Variants in UBE2D2 observed in about 807,000 individuals in gnomAD.
UBE2D2 encodes the protein ubiquitin conjugating enzyme E2 D2, also known as ubiquitin-conjugating enzyme E2 D2.
Under a neutral mutation model 24.2 loss-of-function variants are expected in UBE2D2, and 2 were observed. The ratio of observed to expected loss-of-function variants is 0.08; its 90% CI spans 0.03 to 0.26. UBE2D2 has a LOEUF of 0.26. UBE2D2 is among the 10% of genes least tolerant of loss of function. The pLI is 1.00. For synonymous variants in UBE2D2, 58 were observed against 56.5 expected, an observed-to-expected ratio of 1.03 and a Z score of -0.12; for missense variants, 44 against 177.6, an observed-to-expected ratio of 0.25 and a Z score of 4.28.
At chr5:139,599,895 C>T (rs1389402614) in intron 1 of UBE2D2, among the ~76,000 whole-genome samples, 1 of 151,940 alleles carries the variant, frequency 6.6e-6, no homozygotes, top group Non-Finnish European at 1.5e-5. Context: ...CCTCCGCCTC[C>T]CTGGTTCAAG....
At chr5:139,533,847 A>C (rs929421034) in intron 1 of UBE2D2, among the ~76,000 whole-genome samples, 52 of 148,076 alleles carry the variant, frequency 3.5e-4, no homozygotes, top group Non-Finnish European at 2.7e-4. Context: ...CAGTGGCAGG[A>C]TATTGGCTCA....
chr5:139,584,395 C>T (rs1012335577), intron 1 of UBE2D2, among the ~76,000 whole-genome samples: 1 of 151,966 alleles, frequency 6.6e-6, no homozygotes, highest in Non-Finnish European at 1.5e-5. Flanking sequence ...GTATGCCTTT[C>T]GTTAAGTTTA....
Position 139,627,177 on chromosome 5 carries a change from ATTATTT to A in UBE2D2, c.*380_*385del, listed in dbSNP as rs1754651271. 1 of 164,712 alleles carries A rather than the reference ATTATTT, an allele frequency of 6.1e-6. No homozygotes were observed. Among genetic ancestry groups the A allele is most frequent in the Non-Finnish European group, 1.3e-5 (1 of 76,250 alleles). The allele number at this position is 164,712 out of a possible 1,614,324, so 10.2% of individuals were successfully genotyped here. ...AAAAGGCTCCACTCACCTATAGGAG[ATTATTT>A]TTAAGTGGAATCCATTTAAACTCAA... On this transcript the variant is annotated 3_prime_UTR_variant, in exon 7 of 7. Transcript: ENST00000398733.
intron 1 of UBE2D2, among the ~76,000 whole-genome samples, chr5:139,588,937 G>A (rs1753787196): frequency 6.6e-6 from 1 of 152,110 alleles, no homozygotes. Context: ...GGGACTACAG[G>A]TGCACACCAC....
At chr5:139,540,865 G>T (rs1752750821) in intron 1 of UBE2D2, among the ~76,000 whole-genome samples, 1 of 151,618 alleles carries the variant, frequency 6.6e-6, no homozygotes, top group Non-Finnish European at 1.5e-5. Context: ...ATGGTGGCAG[G>T]CACCTGTAGT....
At chr5:139,598,701 C>T (rs1461950781) in intron 1 of UBE2D2, among the ~76,000 whole-genome samples, 2 of 149,686 alleles carry the variant, frequency 1.3e-5, no homozygotes, top group East Asian at 2.0e-4. Flanking sequence ...GCTGGGATTA[C>T]AGGCGTGTGC....
At position 139,531,910 on chromosome 5, in the gene UBE2D2, C is replaced by T. The variant is rs193146156; in HGVS notation, c.-64+5298C>T. ...GCTAGGGTGGGAGGTTTGCTTGAAC[C>T]CAGGGGGTCGAAGCTGCAATGAGCC... On this transcript the variant is annotated intron_variant, in intron 1 of 6. Transcript: ENST00000511725. 8.6e-5 allele frequency among the ~76,000 whole-genome samples: 13 copies of T among 151,986 alleles called. No homozygotes were observed. In the East Asian group the frequency reaches 2.5e-3, roughly 29 times the overall value.
Position 139,561,516 on chromosome 5 carries a change from T to G in UBE2D2, c.-276T>G. 2.5e-6 allele frequency: 1 copy of G among 408,090 alleles called. No homozygotes were observed. Among genetic ancestry groups the G allele is most frequent in the East Asian group, 3.7e-5 (1 of 26,938 alleles). The allele number at this position is 408,090 out of a possible 1,614,324, so 25.3% of individuals were successfully genotyped here. ...GCGGTTTAGGAGGCGGCGCTGATCC[T>G]GGGAGGAAGAGGCAGCTACGGCGGC... On this transcript the variant is annotated 5_prime_UTR_variant, in exon 1 of 7. Transcript: ENST00000398733.
intron 1 of UBE2D2, among the ~76,000 whole-genome samples, chr5:139,542,731 A>G (rs757620111): frequency 2.6e-5 from 4 of 152,226 alleles, no homozygotes; most frequent in Non-Finnish European, 5.9e-5. Context: ...CCATCAGCAG[A>G]TGAAGGGATA....
intron 1 of UBE2D2, among the ~76,000 whole-genome samples, chr5:139,597,924 C>T (rs1045654307): frequency 4.6e-5 from 7 of 151,930 alleles, no homozygotes; most frequent in South Asian, 2.1e-4. Flanking sequence ...TTTTTTGAGA[C>T]GAAGTCTCGC....
At chr5:139,620,644 T>C (rs1464160759) in intron 5 of UBE2D2, among the ~76,000 whole-genome samples, 1 of 152,198 alleles carries the variant, frequency 6.6e-6, no homozygotes, top group Non-Finnish European at 1.5e-5. Context: ...GGAAATAGCA[T>C]TTTTGTTACC....
At chr5:139,588,000 G>T (rs1475679191) in intron 1 of UBE2D2, among the ~76,000 whole-genome samples, 2 of 152,108 alleles carry the variant, frequency 1.3e-5, no homozygotes, top group African/African-American at 2.4e-5. Flanking sequence ...GGGATTCTTG[G>T]TCTAGGAAAT....
intron 1 of UBE2D2, among the ~76,000 whole-genome samples, chr5:139,549,665 C>T (rs897759582): frequency 2.6e-5 from 4 of 152,224 alleles, no homozygotes; most frequent in African/African-American, 7.2e-5. Flanking sequence ...GACTCCCCGA[C>T]GGGGCGCCAC....
chr5:139,549,764 C>G (rs1014783192), intron 1 of UBE2D2, among the ~76,000 whole-genome samples: 3 of 152,348 alleles, frequency 2.0e-5, no homozygotes, highest in Admixed American at 1.3e-4. Context: ...AACTCCGCCC[C>G]GGCCCAGCAC....
At chr5:139,554,138 G>A (rs2126641046) in intron 1 of UBE2D2, among the ~76,000 whole-genome samples, 1 of 152,214 alleles carries the variant, frequency 6.6e-6, no homozygotes, top group Non-Finnish European at 1.5e-5. Context: ...CAAAACAATA[G>A]AAAGAACATT....
At chr5:139,578,292 T>A (rs985356849) in intron 1 of UBE2D2, among the ~76,000 whole-genome samples, 2 of 152,234 alleles carry the variant, frequency 1.3e-5, no homozygotes, top group African/African-American at 4.8e-5. Flanking sequence ...TACTTCCTAA[T>A]ACTTTTGTTC....
chr5:139,576,943 CTTTTTTTTTTTTTTTTAACTTGAA>C (rs1264723099), intron 1 of UBE2D2, among the ~76,000 whole-genome samples: 5 of 91,766 alleles, frequency 5.4e-5, no homozygotes, highest in African/African-American at 2.3e-4. Context: ...TGGATCTGGC[CTTTTTTTTTTTTTTTTAACTTGAA>C]TTTTTTTTTT....
chr5:139,595,525 C>T (rs79206054), intron 1 of UBE2D2, among the ~76,000 whole-genome samples: 3,453 of 151,992 alleles, frequency 0.023, 60 homozygotes, highest in Non-Finnish European at 0.031. Flanking sequence ...ATTATAGGAG[C>T]CCCCACCACG....
chr5:139,539,867 G>A (rs1357645114), intron 1 of UBE2D2, among the ~76,000 whole-genome samples: 1 of 152,078 alleles, frequency 6.6e-6, no homozygotes, highest in Non-Finnish European at 1.5e-5. Context: ...AAAGTGCTGG[G>A]ATTACAGGTG....
Sources: allele counts gnomAD v4.1 joint callset (sites outside exome capture counted in the v4.1 genomes callset), GRCh38; gene constraint gnomAD v4.1.1; transcripts MANE v1.5; gene names NCBI Gene and HGNC (gene_info 2026-07-23, HGNC 2026-07-21).